Variants in SENP6 observed in about 807,000 individuals in gnomAD.
SENP6 encodes SUMO specific peptidase 6, also known as sentrin-specific protease 6.
SENP6 carries 41 observed loss-of-function variants against 134.5 expected under a neutral mutation model. The ratio of observed to expected loss-of-function variants is 0.30; its 90% CI spans 0.24 to 0.40. The LOEUF (loss-of-function observed/expected upper bound fraction) is 0.40. Among genes scored for constraint, SENP6 ranks in the 10% least tolerant of loss-of-function variants. The pLI is 1.00. For synonymous variants in SENP6, 395 were observed against 429.8 expected (o/e 0.92, Z 1.00); for missense variants, 1,248 against 1,312.5 (o/e 0.95, Z 0.76).
chr6:75,688,757 C>T (rs539245722), intron 16 of SENP6, among the ~76,000 whole-genome samples: 10 of 152,094 alleles, frequency 6.6e-5, no homozygotes, highest in African/African-American at 2.2e-4. Context: ...CCTGTGTCTA[C>T]AAAAAAGAAA....
At chr6:75,667,982 A>G (rs544230522) in intron 10 of SENP6, among the ~76,000 whole-genome samples, 79 of 152,188 alleles carry the variant, frequency 5.2e-4, no homozygotes, top group Non-Finnish European at 1.1e-3. Flanking sequence ...ATAAACTTGT[A>G]TGTTAAATTC....
chr6:75,656,036 G>A (rs1472589711), intron 7 of SENP6, among the ~76,000 whole-genome samples: 3 of 151,884 alleles, frequency 2.0e-5, no homozygotes, highest in East Asian at 1.9e-4. Flanking sequence ...CCAACGTGGC[G>A]AAACCCTGTC....
At chr6:75,689,971 G>T (rs79844566) in intron 16 of SENP6, among the ~76,000 whole-genome samples, 3 of 152,194 alleles carry the variant, frequency 2.0e-5, no homozygotes, top group Non-Finnish European at 4.4e-5. Flanking sequence ...ATGATGGAGT[G>T]CAGCATCACA....
At chr6:75,635,737 T>C (rs960166109) in intron 5 of SENP6, among the ~76,000 whole-genome samples, 1 of 152,134 alleles carries the variant, frequency 6.6e-6, no homozygotes, top group Admixed American at 6.5e-5. Flanking sequence ...CTGCAAAGTA[T>C]ACAAGCTCTC....
chr6:75,611,718 T>G (rs1767465429), intron 1 of SENP6: 1 of 152,218 alleles, frequency 6.6e-6, no homozygotes. Flanking sequence ...GTATTCTGTG[T>G]AAAGGTAGCG....
At chr6:75,705,596 T>G (rs879799062) in intron 19 of SENP6, among the ~76,000 whole-genome samples, 55 of 152,164 alleles carry the variant, frequency 3.6e-4, no homozygotes, top group Non-Finnish European at 7.1e-4. Flanking sequence ...TCTGTTCAAA[T>G]TCTTAAATTT....
intron 5 of SENP6, among the ~76,000 whole-genome samples, chr6:75,636,079 T>C (rs1769489814): frequency 6.6e-6 from 1 of 152,152 alleles, no homozygotes; most frequent in Non-Finnish European, 1.5e-5. Context: ...GTCTGGAAAT[T>C]GGGTTGCGAT....
At chr6:75,639,060 AAAAAC>A (rs2149842018) in intron 5 of SENP6, among the ~76,000 whole-genome samples, 1 of 152,274 alleles carries the variant, frequency 6.6e-6, no homozygotes, top group East Asian at 1.9e-4. Flanking sequence ...TCTCAAAAAC[AAAAAC>A]AAGAGAGTAC....
intron 9 of SENP6, among the ~76,000 whole-genome samples, chr6:75,666,158 T>C (rs1001145198): frequency 7.5e-6 from 1 of 133,932 alleles, no homozygotes; most frequent in African/African-American, 2.7e-5. Context: ...AAAACATATA[T>C]GATATATATA....
intron 1 of SENP6, among the ~76,000 whole-genome samples, chr6:75,614,866 A>G (rs1487622192): frequency 1.3e-5 from 2 of 151,950 alleles, no homozygotes; most frequent in Non-Finnish European, 2.9e-5. Context: ...GTGCCTTTCT[A>G]TTCCTGGTTT....
intron 19 of SENP6, among the ~76,000 whole-genome samples, chr6:75,705,762 A>G (rs1775350490): frequency 6.6e-6 from 1 of 151,550 alleles, no homozygotes; most frequent in Admixed American, 6.6e-5. Context: ...CACCTTGCTC[A>G]TGGAACTAAT....
In SENP6 at chr6:75,647,779, G is replaced by T. The variant is rs747764103; in HGVS notation, c.528G>T (p.Arg176Ser). The change falls in exon 7 of 24, where the codon AGG becomes AGT. Residue 176 changes from arginine to serine, a missense_variant. By Grantham distance (110) the Arg-to-Ser change is moderately radical. This residue lies in a region of SENP6 where 733 missense variants were observed against 725.4 expected (regional missense o/e 1.01). Transcript: ENST00000447266. ...AAAAAGTTGAAATTAATCCTGTAAGGTTAAGTCGGCTCCAAGGTGTTGGTA... is the reference window on the plus strand; with the variant it reads ...AAAAAGTTGAAATTAATCCTGTAAGTTTAAGTCGGCTCCAAGGTGTTGGTA... ...HVQKVEINPV[R>S]LSRLQGVERI... is the part of the protein sequence containing the mutation. The T allele has an allele frequency of 6.2e-7, 1 of 1,612,902 alleles. No individual in the cohort carries two copies. The highest frequency in any genetic ancestry group is 1.1e-5 in the South Asian group (1 of 91,028).
At chr6:75,681,298 T>C (rs1411476935) in intron 16 of SENP6, among the ~76,000 whole-genome samples, 1 of 152,136 alleles carries the variant, frequency 6.6e-6, no homozygotes, top group Non-Finnish European at 1.5e-5. Context: ...CTTTGCTCTC[T>C]GTTACTCCTG....
chr6:75,692,732 C>G (rs1295984607), intron 16 of SENP6, among the ~76,000 whole-genome samples: 1 of 151,928 alleles, frequency 6.6e-6, no homozygotes, highest in South Asian at 2.1e-4. Context: ...CCATCCTCCC[C>G]GCATCCCACT....
At chr6:75,699,632 T>G (rs956364436) in intron 18 of SENP6, among the ~76,000 whole-genome samples, 5 of 149,822 alleles carry the variant, frequency 3.3e-5, no homozygotes, top group Non-Finnish European at 7.4e-5. Context: ...GGACTATAGG[T>G]GCATGCTACC....
intron 7 of SENP6, among the ~76,000 whole-genome samples, chr6:75,654,527 A>T (rs1351852702): frequency 6.6e-6 from 1 of 152,244 alleles, no homozygotes; most frequent in African/African-American, 2.4e-5. Flanking sequence ...TTTAAAGAAG[A>T]TAATGAGAAT....
intron 18 of SENP6, among the ~76,000 whole-genome samples, chr6:75,700,627 A>G (rs1162141128): frequency 1.3e-5 from 2 of 152,184 alleles, no homozygotes; most frequent in East Asian, 3.9e-4. Context: ...AGTAGCTTGG[A>G]CCACAGGCAC....
intron 10 of SENP6, among the ~76,000 whole-genome samples, 174 bp downstream of exon 10, chr6:75,667,115 T>C (rs1276392722): frequency 6.6e-6 from 1 of 152,128 alleles, no homozygotes; most frequent in Admixed American, 6.5e-5. Flanking sequence ...CAAAAATAAG[T>C]TTCAATTAAA....
intron 18 of SENP6, among the ~76,000 whole-genome samples, chr6:75,699,725 AGC>A (rs1774906433): frequency 6.6e-6 from 1 of 152,036 alleles, no homozygotes; most frequent in Non-Finnish European, 1.5e-5. Flanking sequence ...CCAGAGCCGA[AGC>A]GGTCCACCTG....
Sources: gnomAD v4.1 joint callset for allele counts (sites outside exome capture counted in the v4.1 genomes callset) on GRCh38, gnomAD v4.1.1 for gene constraint, gnomAD v4.1.1 regional missense constraint, MANE v1.5 for transcripts, NCBI Gene and HGNC (gene_info 2026-07-23, HGNC 2026-07-21) for gene names.